ILKAP: variants seen among roughly 807,000 people sequenced by gnomAD.
ILKAP encodes the protein integrin-linked kinase-associated serine/threonine phosphatase 2C.
In ILKAP, 11 loss-of-function variants were observed where a neutral mutation model predicts 49.1. The observed-to-expected ratio is 0.22, with a 90% CI of 0.14 to 0.37. The LOEUF is 0.37. ILKAP is among the 10% of genes least tolerant of loss of function. The pLI, the probability that ILKAP is intolerant of heterozygous loss-of-function variation, is 1.00. For missense variants in ILKAP, 363 were observed against 510.8 expected, an observed-to-expected ratio of 0.71 and a Z score of 2.79; for synonymous variants, 186 against 192.8, an observed-to-expected ratio of 0.96 and a Z score of 0.29.
intron 3 of ILKAP, among the ~76,000 whole-genome samples, chr2:238,191,576 T>C (rs925722149): frequency 6.6e-6 from 1 of 152,200 alleles, no homozygotes; most frequent in Non-Finnish European, 1.5e-5. Context: ...GGGTTCCAGT[T>C]TTCCCCATAT....
At chr2:238,203,277 G>A (rs1332122404) in intron 1 of ILKAP, among the ~76,000 whole-genome samples, 3 of 150,834 alleles carry the variant, frequency 2.0e-5, no homozygotes, top group African/African-American at 4.8e-5. Context: ...CCTGCGTAGC[G>A]AAAATGGCGG....
At chr2:238,181,685 C>T (rs1007212575) in intron 9 of ILKAP, among the ~76,000 whole-genome samples, 7 of 147,964 alleles carry the variant, frequency 4.7e-5, no homozygotes, top group African/African-American at 1.0e-4. Flanking sequence ...TGCAGTGGTG[C>T]GATCTTGGCT....
At chr2:238,189,317 AG>A (rs1270422421) in intron 4 of ILKAP, among the ~76,000 whole-genome samples, 3 of 152,278 alleles carry the variant, frequency 2.0e-5, no homozygotes, top group Non-Finnish European at 2.9e-5. Context: ...CTCAAAAAAA[AG>A]AGAAAAAAAG....
intron 1 of ILKAP, among the ~76,000 whole-genome samples, chr2:238,203,179 G>T (rs1371509916): frequency 1.3e-5 from 2 of 151,102 alleles, no homozygotes; most frequent in African/African-American, 4.8e-5. Context: ...GTTCAGAGCC[G>T]GTCCCTCGGG....
intron 6 of ILKAP, 51 bp downstream of exon 6, chr2:238,185,130 C>A (rs776488276): frequency 1.1e-5 from 13 of 1,175,766 alleles, no homozygotes; most frequent in Non-Finnish European, 1.5e-5. Flanking sequence ...CACAGCCAAC[C>A]AAACAGCAAT....
intron 8 of ILKAP, among the ~76,000 whole-genome samples, chr2:238,182,566 G>A (rs1379144521): frequency 3.9e-5 from 6 of 152,250 alleles, no homozygotes; most frequent in African/African-American, 1.2e-4. Flanking sequence ...GGAAGGCAAA[G>A]AGGAGGGCAA....
At chr2:238,190,877 TAAAAAAAAAAAA>T (rs57511265) in intron 3 of ILKAP, among the ~76,000 whole-genome samples, 4 of 95,130 alleles carry the variant, frequency 4.2e-5, no homozygotes, top group South Asian at 7.7e-4. Context: ...CGTTTCTCTT[TAAAAAAAAAAAA>T]AAAAAAAAAA....
chr2:238,200,589 G>A (rs1190616435), intron 1 of ILKAP, among the ~76,000 whole-genome samples: 2 of 152,222 alleles, frequency 1.3e-5, no homozygotes, highest in East Asian at 1.9e-4. Context: ...GGAGGGCCAA[G>A]GTGGGCAGAA....
chr2:238,180,590 G>GTTC (rs1693649431), intron 9 of ILKAP, among the ~76,000 whole-genome samples: 2 of 152,074 alleles, frequency 1.3e-5, no homozygotes, highest in Non-Finnish European at 2.9e-5. Flanking sequence ...AGCCAGCCCT[G>GTTC]GCCTCAGGCA....
chr2:238,171,322 G>C lies in ILKAP; in HGVS notation c.957-298C>G, dbSNP rs566219007. 1.4e-4 allele frequency among the ~76,000 whole-genome samples: 21 copies of C among 151,984 alleles called. No individual in the cohort carries two copies. In the East Asian group the frequency reaches 3.7e-3, roughly 27 times the overall value. On this transcript the variant is annotated intron_variant, in intron 10 of 11. Transcript: ENST00000254654. ...TTACAGGTGCCCGGCACCACGCCCGGGTAATTTTTTGTATTTTTAGTAGAG... is the reference window on the plus strand; with the variant it reads ...TTACAGGTGCCCGGCACCACGCCCGCGTAATTTTTTGTATTTTTAGTAGAG...
chr2:238,176,457 T>C (rs1693461724), intron 9 of ILKAP, among the ~76,000 whole-genome samples: 1 of 152,198 alleles, frequency 6.6e-6, no homozygotes, highest in Non-Finnish European at 1.5e-5. Flanking sequence ...AGTCTCAGCC[T>C]ACCAAGCCAA....
At chr2:238,197,507 T>C (rs1433384925) in intron 1 of ILKAP, among the ~76,000 whole-genome samples, 1 of 152,226 alleles carries the variant, frequency 6.6e-6, no homozygotes, top group East Asian at 1.9e-4. Context: ...CTTGCCCATC[T>C]AAATCAGGTC....
At chr2:238,201,229 TTC>T (rs1694556537) in intron 1 of ILKAP, among the ~76,000 whole-genome samples, 3 of 152,214 alleles carry the variant, frequency 2.0e-5, no homozygotes, top group African/African-American at 4.8e-5. Context: ...TGAAACCAGA[TTC>T]TGTTCTTGTA....
intron 3 of ILKAP, among the ~76,000 whole-genome samples, chr2:238,194,054 C>T (rs1174434110): frequency 2.0e-5 from 3 of 152,128 alleles, no homozygotes; most frequent in Non-Finnish European, 4.4e-5. Context: ...AAAGGCAGTT[C>T]CAACAATCTG....
At chr2:238,194,931 G>C in intron 1 of ILKAP, 61 bp from the exon 2 acceptor site, 1 of 1,394,722 alleles carries the variant, frequency 7.2e-7, no homozygotes, top group Non-Finnish European at 1.0e-6. Flanking sequence ...GATTTTCAAA[G>C]AGGAAGATCA....
At position 238,194,303 on chromosome 2, in the gene ILKAP, A is replaced by T; in HGVS notation, c.150T>A (p.Asp50Glu). Residue 50 changes from aspartate (D) to glutamate (E), a missense_variant, in exon 3 of 12, where the codon GAT becomes GAA. By Grantham distance (45) the Asp-to-Glu change is conservative. Around this residue, in one of 3 missense-constraint regions of ILKAP, gnomAD observed 114 missense variants for 116.0 expected, o/e 0.98. Coordinates refer to ENST00000254654, the MANE Select transcript of ILKAP (RefSeq NM_030768.3). ...AATCGCCACTGCTAGCGGGTGGGAG[A>T]TCATCAAAAAGCAAAGGTCCCCCTG... ...SGSGGPLLFDDLPPASSGDSG... is the reference protein window; with the variant it reads ...SGSGGPLLFDELPPASSGDSG... 1 of 1,614,016 alleles carries T rather than the reference A, an allele frequency of 6.2e-7. No individual in the cohort carries two copies. The highest frequency in any genetic ancestry group is 8.5e-7 in the Non-Finnish European group (1 of 1,179,980).
chr2:238,172,843 CT>C (rs1693286818), intron 10 of ILKAP, among the ~76,000 whole-genome samples: 1 of 152,152 alleles, frequency 6.6e-6, no homozygotes, highest in Non-Finnish European at 1.5e-5. Context: ...ACCCCTCCTG[CT>C]ACTGCCTTAG....
chr2:238,170,480 C>T lies in ILKAP; in HGVS notation c.*56G>A. 2 of 1,536,344 alleles carry T rather than the reference C, an allele frequency of 1.3e-6. No homozygotes were observed. Among genetic ancestry groups the T allele is most frequent in the East Asian group, 2.3e-5 (1 of 43,716 alleles). On this transcript the variant is annotated 3_prime_UTR_variant, in exon 12 of 12. Transcript: ENST00000254654. The stretch of plus-strand genomic sequence containing the variant: ...ACACAAAACACACAATGTGCACACA[C>T]ACAAAATGAACCTTTTAAGTCAATA...
chr2:238,179,285 A>C (rs767471998), intron 9 of ILKAP, among the ~76,000 whole-genome samples: 3 of 152,222 alleles, frequency 2.0e-5, no homozygotes, highest in Non-Finnish European at 4.4e-5. Flanking sequence ...GGAGGGAAAG[A>C]AGCAGAGGAG....
Sources: allele counts gnomAD v4.1 joint callset (sites outside exome capture counted in the v4.1 genomes callset), GRCh38; gene constraint gnomAD v4.1.1; regional missense constraint gnomAD v4.1.1; transcripts MANE v1.5; gene names NCBI Gene and HGNC (gene_info 2026-07-23, HGNC 2026-07-21).